Variants in PRKAG2 observed in about 807,000 individuals in gnomAD.
PRKAG2 encodes protein kinase AMP-activated non-catalytic subunit gamma 2.
In PRKAG2, 26 loss-of-function variants were observed where a neutral mutation model predicts 69.6. That is an observed-to-expected ratio of 0.37 (90% CI 0.27 to 0.52). The LOEUF (loss-of-function observed/expected upper bound fraction) is 0.52, where lower values mean the gene tolerates loss of function less well. Among genes scored for constraint, PRKAG2 ranks in the 20% least tolerant of loss-of-function variants. The probability of loss-of-function intolerance (pLI) is 0.90; values close to 1 mark genes in which losing one functional copy is unlikely to be tolerated. For synonymous variants in PRKAG2, 293 were observed against 285.0 expected, an observed-to-expected ratio of 1.03 and a Z score of -0.28; for missense variants, 557 against 740.0, an observed-to-expected ratio of 0.75 and a Z score of 2.87.
intron 1 of PRKAG2, among the ~76,000 whole-genome samples, chr7:151,795,878 T>TATATATACATATATATATATATATAC (rs2077501301): frequency 7.8e-5 from 9 of 115,130 alleles, no homozygotes; most frequent in African/African-American, 3.2e-4. Flanking sequence ...TATATATATA[T>TATATATACATATATATATATATATAC]ATATATATAT....
At chr7:151,778,626 C>A (rs2076516556) in intron 3 of PRKAG2, among the ~76,000 whole-genome samples, 1 of 152,226 alleles carries the variant, frequency 6.6e-6, no homozygotes, top group South Asian at 2.1e-4. Context: ...CTTGGCTGTC[C>A]CCAGGCATTC....
At chr7:151,602,647 C>T (rs1816391207) in intron 5 of PRKAG2, among the ~76,000 whole-genome samples, 1 of 152,102 alleles carries the variant, frequency 6.6e-6, no homozygotes. Flanking sequence ...ATCAGGTTCC[C>T]CCAAGTTTAT....
chr7:151,812,603 A>G (rs754814660), intron 1 of PRKAG2, among the ~76,000 whole-genome samples: 23 of 152,160 alleles, frequency 1.5e-4, no homozygotes, highest in Non-Finnish European at 3.1e-4. Context: ...TTGTTTTGCT[A>G]AAGTGCTGAT....
chr7:151,852,367 C>G (rs190525112), intron 1 of PRKAG2, among the ~76,000 whole-genome samples: 1 of 152,134 alleles, frequency 6.6e-6, no homozygotes, highest in Non-Finnish European at 1.5e-5. Flanking sequence ...TGGTAGCACA[C>G]GCATGTAATC....
intron 3 of PRKAG2, among the ~76,000 whole-genome samples, chr7:151,740,764 A>T (rs1231909332): frequency 1.3e-5 from 2 of 152,212 alleles, no homozygotes; most frequent in African/African-American, 4.8e-5. Context: ...TGCCCGGAGA[A>T]GGGGAACTTG....
At chr7:151,825,955 A>G (rs908449412) in intron 1 of PRKAG2, among the ~76,000 whole-genome samples, 4 of 152,180 alleles carry the variant, frequency 2.6e-5, no homozygotes, top group Non-Finnish European at 2.9e-5. Flanking sequence ...AGGGTGACCA[A>G]TTAGTCTCGG....
intron 1 of PRKAG2, among the ~76,000 whole-genome samples, chr7:151,838,252 T>C (rs73728412): frequency 0.067 from 10,156 of 152,212 alleles, 1,119 homozygotes; most frequent in African/African-American, 0.23. Flanking sequence ...TCAGCGGGGC[T>C]GTGGCGTTGC....
chr7:151,826,056 C>A (rs1042399241), intron 1 of PRKAG2, among the ~76,000 whole-genome samples: 3 of 152,192 alleles, frequency 2.0e-5, no homozygotes, highest in Non-Finnish European at 4.4e-5. Flanking sequence ...GTCACCCTAA[C>A]AGGTAGAGTA....
At chr7:151,778,060 C>T (rs189557074) in intron 3 of PRKAG2, among the ~76,000 whole-genome samples, 21 of 152,278 alleles carry the variant, frequency 1.4e-4, no homozygotes, top group Admixed American at 2.6e-4. Flanking sequence ...ATGGACCCCA[C>T]CCAGACCCAT....
rs1366990290 is a variant in PRKAG2 at position 151,781,275 on chromosome 7, G to C, written c.343C>G (p.Pro115Ala). 1 of 1,614,150 alleles carries C rather than the reference G, an allele frequency of 6.2e-7. No homozygotes were observed. The highest frequency in any genetic ancestry group is 8.5e-7 in the Non-Finnish European group (1 of 1,180,048). ...VFPFSYQESP[P>A]RSPRRMSFSG... ...AAGCTCATGCGTCGAGGGGAGCGTG[G>C]CGGGGACTCCTGGTAGGAGAACGGG... is the stretch of plus-strand genomic sequence containing the variant. Residue 115 changes from proline to alanine, a missense_variant, in exon 3 of 16, where the codon CCA (proline) becomes GCA (alanine). Around this residue, in one of 2 missense-constraint regions of PRKAG2, gnomAD observed 352 missense variants for 356.7 expected, o/e 0.99. Transcript: ENST00000287878. This position sits in a 1 kb window ranked among gnomAD's most constrained non-coding sequence, Gnocchi z 6.1.
intron 3 of PRKAG2, among the ~76,000 whole-genome samples, chr7:151,677,888 G>A (rs888662249): frequency 6.6e-6 from 1 of 152,340 alleles, no homozygotes; most frequent in Non-Finnish European, 1.5e-5. Context: ...TGGCTCAGAA[G>A]GCTGCTCGAT....
chr7:151,682,319 C>T (rs1834001371), intron 3 of PRKAG2, among the ~76,000 whole-genome samples: 1 of 152,154 alleles, frequency 6.6e-6, no homozygotes, highest in Non-Finnish European at 1.5e-5. Context: ...CGGCTCACTG[C>T]AGCCTCAAAC....
In PRKAG2 at chr7:151,632,320, A is replaced by AGGC. The variant is rs561834219; in HGVS notation, c.685-185_685-183dup. 920 of 811,290 alleles carry AGGC rather than the reference A, an allele frequency of 1.1e-3. 26 individuals are homozygous for AGGC. The South Asian group carries it at 0.044, about 39-fold the overall frequency. The allele number at this position is 811,290 out of a possible 1,614,324, so 50.3% of individuals were successfully genotyped here. A position where few individuals can be genotyped will look rare whatever the true frequency, so the allele number is the denominator to read the frequency against. ...CGGGAGCGCTGCCCCCACCCGCCCG[A>AGGC]GGCCGCCGCCGCCGCCGCAGGTGGC... On this transcript the variant is annotated intron_variant, in intron 4 of 15. Coordinates refer to ENST00000287878, the MANE Select transcript of PRKAG2 (RefSeq NM_016203.4). This position sits in a 1 kb window ranked among gnomAD's most constrained non-coding sequence, Gnocchi z 4.2.
At chr7:151,754,148 C>T (rs906070525) in intron 3 of PRKAG2, among the ~76,000 whole-genome samples, 3 of 152,220 alleles carry the variant, frequency 2.0e-5, no homozygotes, top group African/African-American at 7.2e-5. Flanking sequence ...GACTCTAACT[C>T]GCTGAGGGCA....
At chr7:151,743,052 C>T (rs893049830) in intron 3 of PRKAG2, among the ~76,000 whole-genome samples, 1 of 152,134 alleles carries the variant, frequency 6.6e-6, no homozygotes, top group Admixed American at 6.5e-5. Context: ...CTTCTGTTTC[C>T]GCCAGTCGAT....
At chr7:151,706,896 G>C (rs569964560) in intron 3 of PRKAG2, among the ~76,000 whole-genome samples, 2 of 152,362 alleles carry the variant, frequency 1.3e-5, no homozygotes, top group South Asian at 4.1e-4. Context: ...GATGGAGTAG[G>C]GCACTCAAAT....
At chr7:151,838,117 ATC>A (rs538874807) in intron 1 of PRKAG2, among the ~76,000 whole-genome samples, 10 of 152,210 alleles carry the variant, frequency 6.6e-5, no homozygotes, top group Non-Finnish European at 1.0e-4. Context: ...CCCACATTTA[ATC>A]TCTGTTCCCT....
intron 5 of PRKAG2, among the ~76,000 whole-genome samples, chr7:151,609,375 A>G (rs906083433): frequency 1.3e-5 from 2 of 152,214 alleles, no homozygotes; most frequent in African/African-American, 4.8e-5. Context: ...ATGAAAATGA[A>G]CAAGACAGAC....
intron 6 of PRKAG2, among the ~76,000 whole-genome samples, chr7:151,579,787 G>A (rs1227943040): frequency 6.6e-6 from 1 of 152,010 alleles, no homozygotes; most frequent in East Asian, 1.9e-4. Flanking sequence ...AAAACCAAAG[G>A]TAAAGGGAAA....
Sources: gnomAD v4.1 joint callset for allele counts (sites outside exome capture counted in the v4.1 genomes callset) on GRCh38, gnomAD v4.1.1 for gene constraint, gnomAD v4.1.1 regional missense constraint, Gnocchi (gnomAD v3.1) non-coding constraint, MANE v1.5 for transcripts, NCBI Gene and HGNC (gene_info 2026-07-23, HGNC 2026-07-21) for gene names.